Variants in NHSL2 observed in about 807,000 individuals in gnomAD.
The protein encoded by NHSL2 is NHS like 2.
Under a neutral mutation model 53.4 loss-of-function variants are expected in NHSL2, and 27 were observed. The observed-to-expected ratio is 0.51, with a 90% CI of 0.37 to 0.70. The LOEUF (loss-of-function observed/expected upper bound fraction) is 0.70. Among genes scored for constraint, NHSL2 ranks in the 30% least tolerant of loss-of-function variants. The pLI, the probability that NHSL2 is intolerant of heterozygous loss-of-function variation, is 0.00. For synonymous variants in NHSL2, 408 were observed against 404.1 expected, an observed-to-expected ratio of 1.01 and a Z score of -0.12; for missense variants, 892 against 980.1, an observed-to-expected ratio of 0.91 and a Z score of 1.20.
chrX:72,123,685 G>A (rs73565816), intron 1 of NHSL2, among the ~76,000 whole-genome samples: 15,587 of 111,814 alleles, frequency 0.14, 1,111 homozygotes, highest in African/African-American at 0.27. Context: ...GATCCTACAA[G>A]GCAAGGCTTC....
chrX:72,144,698 C>A lies in NHSL2; in HGVS notation c.*1124C>A. 1 of 249,435 alleles carries A rather than the reference C, an allele frequency of 4.0e-6. No individual in the cohort carries two copies. The allele number at this position is 249,435 out of a possible 1,213,427, so 20.6% of individuals were successfully genotyped here. On this transcript the variant is annotated 3_prime_UTR_variant, in exon 8 of 8. Coordinates refer to ENST00000633930, the MANE Select transcript of NHSL2 (RefSeq NM_001013627.3). ...GGCAGTCTTGCCAGTTGCTATGGCCCATAATGCACACACACACACACACAC... is the reference window on the plus strand; with the variant it reads ...GGCAGTCTTGCCAGTTGCTATGGCCAATAATGCACACACACACACACACAC...
chrX:71,992,142 G>A (rs2042030297), intron 1 of NHSL2, among the ~76,000 whole-genome samples: 1 of 112,658 alleles, frequency 8.9e-6, no homozygotes. Context: ...GGGCAGAGAG[G>A]GCTGGTGTGG....
intron 1 of NHSL2, among the ~76,000 whole-genome samples, chrX:71,967,543 G>T (rs772016148): frequency 9.0e-6 from 1 of 111,190 alleles, no homozygotes; most frequent in Non-Finnish European, 1.9e-5. Flanking sequence ...TTTGATCCAT[G>T]TTTTATTTAG....
intron 1 of NHSL2, among the ~76,000 whole-genome samples, chrX:71,921,650 G>T (rs1486414330): frequency 9.0e-6 from 1 of 111,412 alleles, no homozygotes; most frequent in Admixed American, 9.5e-5. Flanking sequence ...TACTGGGTTG[G>T]ATCCCTACAC....
chrX:72,143,055 G>C (rs2042431682), intron 7 of NHSL2, among the ~76,000 whole-genome samples, 198 bp from the exon 8 acceptor site: 1 of 111,133 alleles, frequency 9.0e-6, no homozygotes, highest in Non-Finnish European at 1.9e-5. Flanking sequence ...ACTCCAGCTG[G>C]GGGCATTGAA....
At chrX:72,063,367 C>G (rs1347206842) in intron 1 of NHSL2, among the ~76,000 whole-genome samples, 1 of 111,874 alleles carries the variant, frequency 8.9e-6, no homozygotes, top group Non-Finnish European at 1.9e-5. Flanking sequence ...ATGTGTCAGG[C>G]ACTTTCTAAA....
intron 1 of NHSL2, among the ~76,000 whole-genome samples, chrX:72,107,691 C>T (rs1409389655): frequency 8.9e-6 from 1 of 111,749 alleles, no homozygotes; most frequent in Non-Finnish European, 1.9e-5. Context: ...TGAGGAAAAG[C>T]GAAGTTGGGA....
At chrX:72,112,387 C>T (rs1349652336) in intron 1 of NHSL2, among the ~76,000 whole-genome samples, 1 of 111,937 alleles carries the variant, frequency 8.9e-6, no homozygotes, top group Non-Finnish European at 1.9e-5. Flanking sequence ...TTAATGCATA[C>T]AATTCAGTGA....
At chrX:71,956,137 T>C (rs1197869260) in intron 1 of NHSL2, among the ~76,000 whole-genome samples, 7 of 112,032 alleles carry the variant, frequency 6.2e-5, no homozygotes, top group Non-Finnish European at 1.1e-4. Flanking sequence ...AACATTTGGG[T>C]TCTCCCCACC....
At chrX:72,092,880 C>T (rs1319944559) in intron 1 of NHSL2, among the ~76,000 whole-genome samples, 1 of 112,563 alleles carries the variant, frequency 8.9e-6, no homozygotes, top group Non-Finnish European at 1.9e-5. Context: ...TTCTTGACTT[C>T]TCCATTTCCT....
chrX:72,039,690 A>G (rs1476763436), intron 1 of NHSL2, among the ~76,000 whole-genome samples: 1 of 111,143 alleles, frequency 9.0e-6, no homozygotes. Flanking sequence ...TACGTTTAGG[A>G]CTCATGTGTG....
At position 72,132,553 on chromosome X, in the gene NHSL2, C is replaced by T. The variant is rs1325471331; in HGVS notation, c.436+319C>T. ...GGGAGACTCCCACAATGTGGGCCTA[C>T]ATTCCCTCCAGCCCCCCTCTTGCCA... On this transcript the variant is annotated intron_variant, in intron 2 of 7. Transcript: ENST00000633930. Among the ~76,000 whole-genome samples the T allele has an allele frequency of 2.8e-5, 3 of 108,799 alleles. No homozygotes were observed. The East Asian group carries it at 8.7e-4, about 32-fold the overall frequency. 94.5% of individuals were successfully genotyped at this position (108,799 alleles called of 115,157 possible). A position where few individuals can be genotyped will look rare whatever the true frequency, so the allele number is the denominator to read the frequency against.
chrX:72,141,009 C>A, intron 6 of NHSL2: 1 of 328,334 alleles, frequency 3.0e-6, no homozygotes, highest in Non-Finnish European at 5.5e-6. Context: ...ACTCTCCCCT[C>A]TAAATCTCTA....
intron 1 of NHSL2, among the ~76,000 whole-genome samples, chrX:72,028,860 C>G (rs1225347858): frequency 1.8e-5 from 2 of 112,491 alleles, no homozygotes; most frequent in Non-Finnish European, 3.8e-5. Context: ...AGCTGGGCCC[C>G]TGGTTGGGTC....
chrX:71,953,057 C>T (rs1339587684), intron 1 of NHSL2, among the ~76,000 whole-genome samples: 1 of 111,391 alleles, frequency 9.0e-6, no homozygotes, highest in Non-Finnish European at 1.9e-5. Flanking sequence ...TGCCTGACGT[C>T]CTTCTGGCCC....
chrX:72,066,422 G>A (rs1260746260), intron 1 of NHSL2, among the ~76,000 whole-genome samples: 1 of 111,595 alleles, frequency 9.0e-6, no homozygotes, highest in Non-Finnish European at 1.9e-5. Flanking sequence ...GGGAGTATGT[G>A]ACTCCCAGCA....
intron 1 of NHSL2, among the ~76,000 whole-genome samples, chrX:72,018,426 C>A (rs979787888): frequency 8.9e-6 from 1 of 112,882 alleles, no homozygotes; most frequent in African/African-American, 3.2e-5. Context: ...CTCAACGCGA[C>A]AAGTGGAGGA....
At chrX:72,105,491 T>C (rs778734665) in intron 1 of NHSL2, among the ~76,000 whole-genome samples, 11 of 111,753 alleles carry the variant, frequency 9.8e-5, no homozygotes, top group African/African-American at 3.6e-4. Flanking sequence ...CCTCTCTCAC[T>C]TGGGGCTAAG....
intron 1 of NHSL2, among the ~76,000 whole-genome samples, chrX:72,072,053 G>A (rs747383378): frequency 1.1e-4 from 12 of 112,157 alleles, no homozygotes; most frequent in Non-Finnish European, 1.9e-4. Context: ...GTGCTCCCTT[G>A]CTATGAACTC....
Sources: gnomAD v4.1 joint callset for allele counts (sites outside exome capture counted in the v4.1 genomes callset) on GRCh38, gnomAD v4.1.1 for gene constraint, MANE v1.5 for transcripts, NCBI Gene and HGNC (gene_info 2026-07-23, HGNC 2026-07-21) for gene names.